The following DNAH11 variants were observed in gnomAD, a reference collection of about 807,000 sequenced individuals.
DNAH11 encodes the protein dynein axonemal heavy chain 11.
In DNAH11, 442 loss-of-function variants were observed where a neutral mutation model predicts 526.0. That is an observed-to-expected ratio of 0.84 (90% CI 0.78 to 0.91). The LOEUF (loss-of-function observed/expected upper bound fraction) is 0.91. Ranked by LOEUF, DNAH11 falls within the 40% of genes least tolerant of loss-of-function variation. DNAH11 has a pLI of 0.00. For synonymous variants in DNAH11, 2,461 were observed against 1,935.9 expected (o/e 1.27, Z -7.12); for missense variants, 6,989 against 5,448.7 (o/e 1.28, Z -8.90).
rs2128474954 is a variant in DNAH11, at chr7:21,690,837, T to C, written c.5997T>C (p.Tyr1999=). The C allele has an allele frequency of 4.3e-6, 7 of 1,613,104 alleles. No individual in the cohort carries two copies. Among genetic ancestry groups the C allele is most frequent in the East Asian group, 2.2e-5 (1 of 44,834 alleles). ...TATTTATTACTATGAACCCGGGTTA[T>C]GCTGGTCGAACCGAATTACCGGAAA... The part of the protein sequence containing the change: ...VGIFITMNPG[Y]AGRTELPENL... Residue 1999 remains tyrosine, a synonymous_variant, in exon 35 of 82, where the codon TAT becomes TAC. Coordinates refer to ENST00000409508, the MANE Select transcript of DNAH11 (RefSeq NM_001277115.2).
Position 21,750,331 on chromosome 7 carries a change from A to G in DNAH11, c.8907A>G (p.Lys2969=), listed in dbSNP as rs1303372386. The change falls in exon 54 of 82, where the codon AAA becomes AAG. Residue 2969 remains lysine (K), a synonymous_variant. Coordinates refer to ENST00000409508, the MANE Select transcript of DNAH11 (RefSeq NM_001277115.2). ...GMVDSRENCW[K]FFMARVRLQL... Reference sequence around the variant, plus strand: ...TAGACTCCAGGGAAAACTGTTGGAAATTCTTTATGGCCAGGGTGCGACTAC... The same window carrying G: ...TAGACTCCAGGGAAAACTGTTGGAAGTTCTTTATGGCCAGGGTGCGACTAC... The G allele has an allele frequency of 1.2e-6, 2 of 1,605,764 alleles. No homozygotes were observed. Among genetic ancestry groups the G allele is most frequent in the East Asian group, 2.2e-5 (1 of 44,642 alleles).
rs577957615 is a variant in DNAH11, at chr7:21,580,805, A to C, written c.1594-1100A>C. Among the ~76,000 whole-genome samples the C allele has an allele frequency of 1.9e-3, 285 of 152,342 alleles. 1 individual carries two copies. Among genetic ancestry groups the C allele is most frequent in the African/African-American group, 6.6e-3 (273 of 41,582 alleles). On this transcript the variant is annotated intron_variant, in intron 8 of 81. Transcript: ENST00000409508. ...GTATTGAGGGTTAGGATTTCAAAAT[A>C]AAATTTTGCAAGGACATAAAACATT...
chr7:21,898,502 CTT>C (rs1487470617), intron 79 of DNAH11, among the ~76,000 whole-genome samples: 2 of 152,220 alleles, frequency 1.3e-5, no homozygotes, highest in African/African-American at 4.8e-5. Context: ...TCCTAGAAAA[CTT>C]CAGTGCCAGC....
At chr7:21,573,211 C>T (rs1583492405) in intron 8 of DNAH11, among the ~76,000 whole-genome samples, 1 of 152,188 alleles carries the variant, frequency 6.6e-6, no homozygotes, top group Non-Finnish European at 1.5e-5. Flanking sequence ...CTAAAGCCTG[C>T]ATAGTCACAA....
chr7:21,900,906 A>G, intron 81 of DNAH11, 101 bp from the exon 82 acceptor site: 1 of 1,477,408 alleles, frequency 6.8e-7, no homozygotes, highest in Non-Finnish European at 9.0e-7. Flanking sequence ...AAATATGACA[A>G]AACCAGAATG....
chr7:21,672,102 A>G (rs181637329), intron 30 of DNAH11, among the ~76,000 whole-genome samples: 32 of 152,222 alleles, frequency 2.1e-4, no homozygotes, highest in African/African-American at 6.5e-4. Flanking sequence ...TGTTTCTGAT[A>G]TTGCTGAAGG....
intron 20 of DNAH11, among the ~76,000 whole-genome samples, chr7:21,612,480 A>C (rs537665205): frequency 2.0e-5 from 3 of 148,328 alleles, no homozygotes; most frequent in African/African-American, 7.5e-5. Context: ...GCATGAACCC[A>C]GGAGGCAGAG....
intron 14 of DNAH11, among the ~76,000 whole-genome samples, chr7:21,595,298 C>T (rs149731822): frequency 2.9e-4 from 44 of 152,288 alleles, no homozygotes; most frequent in Admixed American, 5.2e-4. Flanking sequence ...CCTCCTAAAC[C>T]CCTCCTCATA....
intron 55 of DNAH11, among the ~76,000 whole-genome samples, chr7:21,768,439 C>T (rs757011522): frequency 1.3e-5 from 2 of 152,186 alleles, no homozygotes; most frequent in Admixed American, 6.5e-5. Context: ...GGAGAAGTTA[C>T]TGAATGGAAA....
intron 9 of DNAH11, among the ~76,000 whole-genome samples, chr7:21,587,838 T>A (rs931510291): frequency 1.3e-5 from 2 of 152,176 alleles, no homozygotes; most frequent in African/African-American, 4.8e-5. Flanking sequence ...AGACAGTGGT[T>A]CCTTTCTGCT....
At chr7:21,616,362 C>G in intron 22 of DNAH11, 70 bp downstream of exon 22, 8 of 1,263,118 alleles carry the variant, frequency 6.3e-6, no homozygotes, top group Non-Finnish European at 9.1e-6. Flanking sequence ...CTTCCCTAAT[C>G]TAGTATCTGG....
intron 65 of DNAH11, among the ~76,000 whole-genome samples, chr7:21,842,320 A>T (rs958444808): frequency 6.6e-6 from 1 of 152,210 alleles, no homozygotes; most frequent in Admixed American, 6.5e-5. Flanking sequence ...GGTGAGTACT[A>T]TTATTGTCAA....
At chr7:21,684,844 A>G (rs2128473307) in intron 32 of DNAH11, among the ~76,000 whole-genome samples, 1 of 152,388 alleles carries the variant, frequency 6.6e-6, no homozygotes, top group African/African-American at 2.4e-5. Context: ...TTAGTATTCC[A>G]ATCTCTGCTG....
Position 21,715,830 on chromosome 7 carries a change from C to A in DNAH11, c.6984-1945C>A, listed in dbSNP as rs143761041. 2.9e-3 allele frequency among the ~76,000 whole-genome samples: 440 copies of A among 150,428 alleles called. 3 individuals are homozygous for A. The highest frequency in any genetic ancestry group is 0.011 in the African/African-American group (428 of 40,682). On this transcript the variant is annotated intron_variant, in intron 42 of 81. Coordinates refer to ENST00000409508, the MANE Select transcript of DNAH11 (RefSeq NM_001277115.2). ...TCCTATGCTATGTGGTGTGATTGAT[C>A]CCTAGTAGAGGTAATTTATCTGATT...
Position 21,742,052 on chromosome 7 carries a change from C to A in DNAH11, c.8040C>A (p.Pro2680=). 6.2e-7 allele frequency: 1 copy of A among 1,613,978 alleles called. No individual in the cohort carries two copies. Among genetic ancestry groups the A allele is most frequent in the Non-Finnish European group, 8.5e-7 (1 of 1,179,860 alleles). ...AFAPSILRSG[P]TLIQATIAFH... ...CTCCATCAATTCTCAGGAGTGGCCCCACTTTGATCCAGGCAACAATAGCAT... is the reference window on the plus strand; with the variant it reads ...CTCCATCAATTCTCAGGAGTGGCCCAACTTTGATCCAGGCAACAATAGCAT... Residue 2680 remains proline (P), a synonymous_variant, in exon 49 of 82, where the codon CCC becomes CCA. Coordinates refer to ENST00000409508, the MANE Select transcript of DNAH11 (RefSeq NM_001277115.2).
Position 21,752,879 on chromosome 7 carries a change from A to AT in DNAH11, c.8940+2521dup, listed in dbSNP as rs576917331. ...GGGTGCCTGCCACCACACTTGGCTA[A>AT]TTTTTTGTATTTTTAGTAGAGACGG... On this transcript the variant is annotated intron_variant, in intron 54 of 81. Coordinates refer to ENST00000409508, the MANE Select transcript of DNAH11 (RefSeq NM_001277115.2). 2.3e-3 allele frequency among the ~76,000 whole-genome samples: 351 copies of AT among 151,990 alleles called. 1 individual carries two copies. The highest frequency in any genetic ancestry group is 7.9e-3 in the African/African-American group (327 of 41,480).
At chr7:21,817,064 T>G (rs1789825969) in intron 64 of DNAH11, among the ~76,000 whole-genome samples, 1 of 152,146 alleles carries the variant, frequency 6.6e-6, no homozygotes, top group Admixed American at 6.6e-5. Context: ...TTCATGATGT[T>G]TACGGTCATA....
At chr7:21,707,207 G>A (rs1784302625) in intron 39 of DNAH11, among the ~76,000 whole-genome samples, 1 of 152,194 alleles carries the variant, frequency 6.6e-6, no homozygotes, top group Non-Finnish European at 1.5e-5. Flanking sequence ...ATTGGCATTA[G>A]CTGGGCCCTT....
rs745366688 is a variant in DNAH11, at chr7:21,773,849, T to C, written c.9186T>C (p.Asn3062=). 6.2e-7 allele frequency: 1 copy of C among 1,608,762 alleles called. No individual in the cohort carries two copies. Among genetic ancestry groups the C allele is most frequent in the East Asian group, 2.2e-5 (1 of 44,692 alleles). ...VNEMSTRYYQ[N]ERRHNYTTPK... ...AAATGAGTACCAGATATTACCAGAA[T>C]GAGAGAAGACACAACTATACCACCC... Residue 3062 remains asparagine, a synonymous_variant, in exon 56 of 82, where the codon AAT becomes AAC. Coordinates refer to ENST00000409508, the MANE Select transcript of DNAH11 (RefSeq NM_001277115.2).
Sources: allele counts gnomAD v4.1 joint callset (sites outside exome capture counted in the v4.1 genomes callset), GRCh38; gene constraint gnomAD v4.1.1; transcripts MANE v1.5; gene names NCBI Gene and HGNC (gene_info 2026-07-23, HGNC 2026-07-21).